The following QKI variants were observed in gnomAD, a reference collection of about 807,000 sequenced individuals.
The protein encoded by QKI is KH domain-containing RNA-binding protein QKI.
QKI carries 10 observed loss-of-function variants against 39.0 expected under a neutral mutation model. The observed-to-expected ratio is 0.26, with a 90% confidence interval of 0.16 to 0.43. The LOEUF (loss-of-function observed/expected upper bound fraction) is 0.43, where lower values mean the gene tolerates loss of function less well. QKI is among the 20% of genes least tolerant of loss of function. The pLI, the probability that QKI is intolerant of heterozygous loss-of-function variation, is 1.00. For synonymous variants in QKI, 204 were observed against 155.4 expected, an observed-to-expected ratio of 1.31 and a Z score of -2.33; for missense variants, 218 against 428.0, an observed-to-expected ratio of 0.51 and a Z score of 4.33.
At chr6:163,478,080 A>G (rs1792765811) in intron 2 of QKI, among the ~76,000 whole-genome samples, 1 of 152,230 alleles carries the variant, frequency 6.6e-6, no homozygotes, top group Non-Finnish European at 1.5e-5. Flanking sequence ...TTGGCTTTAA[A>G]GAAATAACTT....
At position 163,570,762 on chromosome 6, in the gene QKI, C is replaced by G. The variant is rs1783659107; in HGVS notation, c.*52C>G. 3.7e-6 allele frequency: 6 copies of G among 1,605,230 alleles called. No individual in the cohort carries two copies. The highest frequency in any genetic ancestry group is 1.3e-5 in the African/African-American group (1 of 74,450). On this transcript the variant is annotated 3_prime_UTR_variant, in exon 8 of 8. Coordinates refer to ENST00000361752, the MANE Select transcript of QKI (RefSeq NM_006775.3). ...TTCACCCAATGATGACCTGACCATG[C>G]CTGCCTGCTGATCAGTTAACTGGTA...
chr6:163,494,674 GTTGTTGTTA>G (rs762385832), intron 3 of QKI, among the ~76,000 whole-genome samples: 91 of 57,616 alleles, frequency 1.6e-3, no homozygotes, highest in Admixed American at 5.7e-3. Flanking sequence ...TTTTGTTGTT[GTTGTTGTTA>G]TTGTTGTTTT....
intron 1 of QKI, among the ~76,000 whole-genome samples, chr6:163,438,421 A>G (rs1347346634): frequency 6.6e-6 from 1 of 152,216 alleles, no homozygotes; most frequent in Non-Finnish European, 1.5e-5. Flanking sequence ...ATTCTGATAA[A>G]TGCATCATTA....
intron 1 of QKI, among the ~76,000 whole-genome samples, chr6:163,425,233 G>A (rs1282138165): frequency 2.0e-5 from 3 of 152,152 alleles, no homozygotes; most frequent in Non-Finnish European, 4.4e-5. Flanking sequence ...AAGGGAAGGT[G>A]CAGCATTGCC....
intron 3 of QKI, among the ~76,000 whole-genome samples, chr6:163,482,668 C>T (rs998556081): frequency 2.0e-5 from 3 of 150,952 alleles, no homozygotes; most frequent in African/African-American, 7.3e-5. Flanking sequence ...AGGATACCGA[C>T]GAACAGCAGA....
intron 4 of QKI, among the ~76,000 whole-genome samples, chr6:163,552,587 G>T (rs760624509): frequency 1.3e-5 from 2 of 152,056 alleles, no homozygotes; most frequent in Admixed American, 6.6e-5. Context: ...CTGTTTCAGG[G>T]CTGGCAGGGG....
rs1250192748 is a variant in QKI at position 163,578,349 on chromosome 6, C to CT, written c.*7641dup. Reference sequence around the variant, plus strand: ...AAAGATTTTATGTTCACTCCTTTACCTTAGAACTGTCAAGCTTGGGAATGA... The same window carrying CT: ...AAAGATTTTATGTTCACTCCTTTACCTTTAGAACTGTCAAGCTTGGGAATGA... On this transcript the variant is annotated 3_prime_UTR_variant, in exon 8 of 8. Transcript: ENST00000361752. The CT allele has an allele frequency of 6.6e-5, 10 of 152,100 alleles. No homozygotes were observed. Among genetic ancestry groups the CT allele is most frequent in the African/African-American group, 2.4e-4 (10 of 41,396 alleles). 9.4% of individuals were successfully genotyped at this position (152,100 alleles called of 1,614,324 possible). A position where few individuals can be genotyped will look rare whatever the true frequency, so the allele number is the denominator to read the frequency against.
chr6:163,517,728 ACT>A (rs1339107101), intron 3 of QKI, among the ~76,000 whole-genome samples: 7 of 152,104 alleles, frequency 4.6e-5, no homozygotes, highest in African/African-American at 1.4e-4. Flanking sequence ...AATTCTGGAA[ACT>A]CTAGTTCAGC....
chr6:163,539,335 G>A (rs1583186328), intron 4 of QKI, among the ~76,000 whole-genome samples: 2 of 152,124 alleles, frequency 1.3e-5, no homozygotes, highest in South Asian at 4.1e-4. Context: ...GAACAGTGGG[G>A]TTAAAAGTGT....
At chr6:163,436,601 G>A (rs1194049981) in intron 1 of QKI, among the ~76,000 whole-genome samples, 2 of 151,856 alleles carry the variant, frequency 1.3e-5, no homozygotes, top group African/African-American at 4.8e-5. Flanking sequence ...ATCACTTGAG[G>A]CCAGGAGTTC....
At chr6:163,476,181 T>TTATCAG (rs1159695783) in intron 2 of QKI, among the ~76,000 whole-genome samples, 1 of 151,986 alleles carries the variant, frequency 6.6e-6, no homozygotes, top group African/African-American at 2.4e-5. Flanking sequence ...ATAATAAATA[T>TTATCAG]TGGAGAGGAA....
At chr6:163,420,875 A>G (rs1409854211) in intron 1 of QKI, among the ~76,000 whole-genome samples, 1 of 152,174 alleles carries the variant, frequency 6.6e-6, no homozygotes, top group Admixed American at 6.5e-5. Context: ...GTTAGGTACT[A>G]CCTTCTATGG....
intron 1 of QKI, among the ~76,000 whole-genome samples, chr6:163,432,970 T>G (rs868184814): frequency 2.0e-5 from 3 of 152,128 alleles, no homozygotes; most frequent in Non-Finnish European, 4.4e-5. Context: ...AGTAGAGAGA[T>G]AAATGAATCC....
intron 4 of QKI, among the ~76,000 whole-genome samples, chr6:163,556,216 A>G (rs539817096): frequency 8.5e-5 from 13 of 152,324 alleles, no homozygotes; most frequent in South Asian, 4.2e-4. Flanking sequence ...ATAGCTGTTA[A>G]ACATAGTTGA....
chr6:163,461,744 G>C (rs570375958), intron 2 of QKI, among the ~76,000 whole-genome samples: 1 of 152,272 alleles, frequency 6.6e-6, no homozygotes, highest in African/African-American at 2.4e-5. Context: ...GAAAGCTCAA[G>C]GTGATGATCT....
Position 163,508,520 on chromosome 6 carries a change from CTTTCTTTCTTTCTT to C in QKI, c.403-26458_403-26445del, listed in dbSNP as rs1307293930. Among the ~76,000 whole-genome samples the C allele has an allele frequency of 3.9e-3, 540 of 139,224 alleles. 8 individuals carry two copies. Among genetic ancestry groups the C allele is most frequent in the Non-Finnish European group, 4.9e-3 (316 of 64,692 alleles). The allele number at this position is 139,224 out of a possible 152,430, so 91.3% of individuals were successfully genotyped here. A position where few individuals can be genotyped will look rare whatever the true frequency, so the allele number is the denominator to read the frequency against. On this transcript the variant is annotated intron_variant, in intron 3 of 7. Transcript: ENST00000361752. ...TTCTTTTTCTTTTCTTTCTTTCTTTCTTTCTTTCTTTCTTTTTTTTTTTTTTATGATGGCGTTTC... is the reference window on the plus strand; with the variant it reads ...TTCTTTTTCTTTTCTTTCTTTCTTTCTTTTTTTTTTTTATGATGGCGTTTC...
At chr6:163,567,330 AAAGT>A in intron 7 of QKI, 8 of 985,700 alleles carry the variant, frequency 8.1e-6, no homozygotes, top group Non-Finnish European at 8.4e-6. Context: ...TAAAATCAAC[AAAGT>A]GAGGACTGTG....
intron 3 of QKI, among the ~76,000 whole-genome samples, chr6:163,510,706 TG>T (rs1779393879): frequency 6.6e-6 from 1 of 152,208 alleles, no homozygotes; most frequent in Non-Finnish European, 1.5e-5. Context: ...AGAAAAATTT[TG>T]TATCAGGTAA....
At chr6:163,529,899 A>G (rs145249753) in intron 3 of QKI, among the ~76,000 whole-genome samples, 192 of 152,328 alleles carry the variant, frequency 1.3e-3, no homozygotes, top group Middle Eastern at 6.8e-3. Flanking sequence ...GCAGGGAGGT[A>G]TGAACCCCAG....
Sources: gnomAD v4.1 joint callset for allele counts (sites outside exome capture counted in the v4.1 genomes callset) on GRCh38, gnomAD v4.1.1 for gene constraint, MANE v1.5 for transcripts, NCBI Gene and HGNC (gene_info 2026-07-23, HGNC 2026-07-21) for gene names.